Variants in ROBO1 observed in about 807,000 individuals in gnomAD.
ROBO1 encodes roundabout guidance receptor 1.
In ROBO1, 149 loss-of-function variants were observed where a neutral mutation model predicts 195.9. That is an observed-to-expected ratio of 0.76 (90% CI 0.67 to 0.87). The LOEUF (loss-of-function observed/expected upper bound fraction) is 0.87, where lower values mean the gene tolerates loss of function less well. Among genes scored for constraint, ROBO1 ranks in the 40% least tolerant of loss-of-function variants. The probability of loss-of-function intolerance (pLI) is 0.00; values close to 1 mark genes in which losing one functional copy is unlikely to be tolerated. For synonymous variants in ROBO1, 816 were observed against 733.2 expected, an observed-to-expected ratio of 1.11 and a Z score of -1.82; for missense variants, 1,933 against 2,068.3, an observed-to-expected ratio of 0.93 and a Z score of 1.27.
chr3:79,146,049 A>G (rs2080643140), intron 2 of ROBO1, among the ~76,000 whole-genome samples: 1 of 151,256 alleles, frequency 6.6e-6, no homozygotes, highest in Non-Finnish European at 1.5e-5. Flanking sequence ...AAAAAAAAAA[A>G]GTCTACTTAA....
At chr3:78,750,498 T>TAAAA (rs771756875) in intron 4 of ROBO1, among the ~76,000 whole-genome samples, 7 of 129,922 alleles carry the variant, frequency 5.4e-5, no homozygotes, top group East Asian at 2.4e-4. Flanking sequence ...AATAAATAAA[T>TAAAA]AAAATAAAAT....
At chr3:79,679,836 T>A (rs544558303) in intron 1 of ROBO1, among the ~76,000 whole-genome samples, 48 of 152,054 alleles carry the variant, frequency 3.2e-4, no homozygotes, top group African/African-American at 1.2e-3. Context: ...ACAGGCTTTA[T>A]GAGAACAATC....
chr3:79,615,020 T>C (rs1055503280), intron 1 of ROBO1, among the ~76,000 whole-genome samples: 1 of 152,132 alleles, frequency 6.6e-6, no homozygotes. Flanking sequence ...CTCCTGTCTG[T>C]CAAGGGAATT....
chr3:79,303,159 GGTTT>G (rs2033049993), intron 2 of ROBO1, among the ~76,000 whole-genome samples: 3 of 72,078 alleles, frequency 4.2e-5, no homozygotes, highest in African/African-American at 1.9e-4. Flanking sequence ...ATCTCACATA[GGTTT>G]TTTTTTTTTT....
At chr3:78,634,063 A>G (rs1460965251) in intron 23 of ROBO1, 21 bp from the exon 24 acceptor site, 1 of 1,475,188 alleles carries the variant, frequency 6.8e-7, no homozygotes, top group East Asian at 2.3e-5. Context: ...CAGATGAAAA[A>G]ACAATAAACA....
At chr3:78,821,248 C>G (rs2030896943) in intron 4 of ROBO1, among the ~76,000 whole-genome samples, 1 of 150,410 alleles carries the variant, frequency 6.6e-6, no homozygotes, top group African/African-American at 2.5e-5. Context: ...TCACTGCAGC[C>G]TCTGCCTCCT....
At chr3:78,939,226 G>C (rs2039988637) in intron 3 of ROBO1, among the ~76,000 whole-genome samples, 1 of 152,104 alleles carries the variant, frequency 6.6e-6, no homozygotes. Context: ...TTTATACCAT[G>C]CATGTGTCCA....
intron 2 of ROBO1, among the ~76,000 whole-genome samples, chr3:79,378,595 T>A (rs1487110739): frequency 6.6e-6 from 1 of 152,242 alleles, no homozygotes; most frequent in Non-Finnish European, 1.5e-5. Flanking sequence ...ATTTAGCTCT[T>A]CCAATCTTTT....
In ROBO1 at chr3:78,680,729, T is replaced by C. The variant is rs1453904760; in HGVS notation, c.1342+5017A>G. 2.1e-4 allele frequency among the ~76,000 whole-genome samples: 31 copies of C among 144,368 alleles called. No individual in the cohort carries two copies. In the East Asian group the frequency reaches 5.9e-3, roughly 28 times the overall value. 94.7% of individuals were successfully genotyped at this position (144,368 alleles called of 152,430 possible). On this transcript the variant is annotated intron_variant, in intron 10 of 30. Coordinates refer to ENST00000464233, the MANE Select transcript of ROBO1 (RefSeq NM_002941.4). ...GAGAAATAGGAACACTTTTCCACTG[T>C]TGGTGGGACTGTAAACTAGTTCAAC... is the stretch of plus-strand genomic sequence containing the variant.
intron 2 of ROBO1, among the ~76,000 whole-genome samples, chr3:79,480,618 A>ATG (rs573074627): frequency 1.3e-5 from 2 of 151,800 alleles, no homozygotes; most frequent in African/African-American, 2.4e-5. Context: ...ATTTGTGTGT[A>ATG]TGTGTGTGTG....
intron 3 of ROBO1, among the ~76,000 whole-genome samples, chr3:79,009,879 A>G (rs1364696302): frequency 1.3e-5 from 2 of 152,206 alleles, no homozygotes; most frequent in Non-Finnish European, 2.9e-5. Context: ...CAGTGATTCT[A>G]TTTTCTCTCT....
At chr3:79,753,897 C>A (rs1267190997) in intron 1 of ROBO1, among the ~76,000 whole-genome samples, 1 of 152,112 alleles carries the variant, frequency 6.6e-6, no homozygotes, top group Non-Finnish European at 1.5e-5. Flanking sequence ...GTTGATTTGG[C>A]AACTTTAAAC....
chr3:78,946,262 C>A (rs933894744), intron 3 of ROBO1, among the ~76,000 whole-genome samples: 5 of 152,118 alleles, frequency 3.3e-5, no homozygotes, highest in African/African-American at 4.8e-5. Flanking sequence ...ATGTTAAGGG[C>A]AGCCAGGGAG....
intron 1 of ROBO1, among the ~76,000 whole-genome samples, chr3:79,621,730 C>T (rs750378204): frequency 6.6e-6 from 1 of 152,016 alleles, no homozygotes; most frequent in Non-Finnish European, 1.5e-5. Context: ...AATTCATCAC[C>T]ACTAGACCAC....
chr3:79,172,224 T>C (rs918014661), intron 2 of ROBO1, among the ~76,000 whole-genome samples: 4 of 152,184 alleles, frequency 2.6e-5, no homozygotes, highest in Non-Finnish European at 4.4e-5. Context: ...TTTCAGTTAC[T>C]TAGGAGAAAC....
intron 4 of ROBO1, among the ~76,000 whole-genome samples, chr3:78,883,626 C>T (rs1458846315): frequency 1.3e-5 from 2 of 152,168 alleles, no homozygotes; most frequent in Non-Finnish European, 2.9e-5. Flanking sequence ...TCCCAAAGTG[C>T]TGAGATTATA....
chr3:78,988,257 A>T (rs1479040952), intron 3 of ROBO1, among the ~76,000 whole-genome samples: 1 of 152,144 alleles, frequency 6.6e-6, no homozygotes, highest in African/African-American at 2.4e-5. Context: ...TCACAATTAA[A>T]CAGAGCTACG....
chr3:78,943,487 T>C (rs190459121), intron 3 of ROBO1, among the ~76,000 whole-genome samples: 1 of 152,308 alleles, frequency 6.6e-6, no homozygotes, highest in East Asian at 1.9e-4. Context: ...TAAAAATGTT[T>C]TCCATATTAT....
chr3:79,360,405 AT>A (rs892751766), intron 2 of ROBO1, among the ~76,000 whole-genome samples: 2 of 152,020 alleles, frequency 1.3e-5, no homozygotes, highest in South Asian at 2.1e-4. Flanking sequence ...TTTATGAAGA[AT>A]TTTTTTGTAC....
Sources: allele counts gnomAD v4.1 joint callset (sites outside exome capture counted in the v4.1 genomes callset), GRCh38; gene constraint gnomAD v4.1.1; transcripts MANE v1.5; gene names NCBI Gene and HGNC (gene_info 2026-07-23, HGNC 2026-07-21).